CEP15: variants seen among roughly 807,000 people sequenced by gnomAD.
CEP15 encodes centrosomal protein 15.
At chr3:62,335,386 C>T in the CEP15 span, 3 of 151,680 alleles carry the variant, frequency 2.0e-5, no homozygotes, top group Non-Finnish European at 2.9e-5. Flanking sequence ...TGACTTTATT[C>T]CTGGCCCCTG....
the CEP15 span, among the ~76,000 whole-genome samples, chr3:62,323,109 A>AT: frequency 9.5e-4 from 145 of 152,318 alleles, no homozygotes; most frequent in Non-Finnish European, 1.7e-3. Flanking sequence ...GTTTTCAAGC[A>AT]TTTTCCTTTT....
At chr3:62,330,015 G>A in the CEP15 span, among the ~76,000 whole-genome samples, 132 of 152,186 alleles carry the variant, frequency 8.7e-4, no homozygotes, top group African/African-American at 3.1e-3. Flanking sequence ...TTCCGGTATG[G>A]GATAGACATG....
the CEP15 span, chr3:62,331,473 A>C: frequency 8.3e-7 from 1 of 1,210,332 alleles, no homozygotes; most frequent in Non-Finnish European, 1.2e-6. Context: ...AAGTTAAACA[A>C]TGGTTATGTG....
chr3:62,333,130 ATGTG>A, the CEP15 span: 559 of 747,146 alleles, frequency 7.5e-4, 1 homozygote, highest in East Asian at 1.3e-3. This position sits in a 1 kb window ranked among gnomAD's most constrained non-coding sequence, Gnocchi z 4.0. Context: ...TTCTACATAT[ATGTG>A]TGTGTGTGTG....
At chr3:62,324,856 A>G in the CEP15 span, among the ~76,000 whole-genome samples, 2 of 152,216 alleles carry the variant, frequency 1.3e-5, no homozygotes, top group African/African-American at 2.4e-5. Context: ...AGATCTTCTG[A>G]CCAATATAAT....
At chr3:62,325,841 T>C in the CEP15 span, among the ~76,000 whole-genome samples, 2 of 151,940 alleles carry the variant, frequency 1.3e-5, no homozygotes, top group African/African-American at 2.4e-5. Flanking sequence ...CTGGCCAACA[T>C]GGTGAAACCC....
chr3:62,333,669 G>T, the CEP15 span: 2 of 218,264 alleles, frequency 9.2e-6, no homozygotes, highest in Non-Finnish European at 1.8e-5. The surrounding 1 kb of genome is among the most constrained non-coding windows in gnomAD (Gnocchi z 4.0). Flanking sequence ...TTGTGAGTGT[G>T]TTGCTTTAAA....
the CEP15 span, chr3:62,334,235 T>TAAAAAAAAAAAAAA: frequency 7.3e-6 from 1 of 137,132 alleles, no homozygotes; most frequent in Admixed American, 7.4e-5. This position sits in a 1 kb window ranked among gnomAD's most constrained non-coding sequence, Gnocchi z 4.9. Context: ...CTTGAGCACT[T>TAAAAAAAAAAAAAA]AAAAAAAAAA....
At chr3:62,326,593 C>T in the CEP15 span, among the ~76,000 whole-genome samples, 4 of 152,200 alleles carry the variant, frequency 2.6e-5, no homozygotes, top group Admixed American at 2.0e-4. Flanking sequence ...CTCAATTCTG[C>T]CATAGAGTAA....
chr3:62,320,623 T>C, the CEP15 span: 2 of 831,646 alleles, frequency 2.4e-6, no homozygotes, highest in Non-Finnish European at 3.8e-6. Flanking sequence ...TGCAAGCATG[T>C]CATTTTAATT....
At chr3:62,331,456 G>A in the CEP15 span, 1 of 1,346,576 alleles carries the variant, frequency 7.4e-7, no homozygotes, top group Non-Finnish European at 1.1e-6. Flanking sequence ...TATCAGTAGT[G>A]CACTACAAGT....
At chr3:62,321,905 T>C in the CEP15 span, 4 of 1,544,492 alleles carry the variant, frequency 2.6e-6, no homozygotes, top group South Asian at 1.2e-5. The surrounding 1 kb of genome is among the most constrained non-coding windows in gnomAD (Gnocchi z 4.1). Flanking sequence ...TTTTTAACTC[T>C]ATATAATCTT....
chr3:62,321,853 A>C, the CEP15 span: 1 of 1,170,410 alleles, frequency 8.5e-7, no homozygotes, highest in Non-Finnish European at 1.2e-6. The surrounding 1 kb of genome is among the most constrained non-coding windows in gnomAD (Gnocchi z 4.1). Flanking sequence ...TTAAGAAATG[A>C]ATTTTTTATA....
At chr3:62,333,169 CTT>C in the CEP15 span, 11 of 1,335,814 alleles carry the variant, frequency 8.2e-6, no homozygotes, top group Admixed American at 1.8e-5. The surrounding 1 kb of genome is among the most constrained non-coding windows in gnomAD (Gnocchi z 4.0). Flanking sequence ...CATACACACT[CTT>C]AAGTGAATAA....
the CEP15 span, chr3:62,322,394 G>C: frequency 0.012 from 2,319 of 196,820 alleles, 65 homozygotes; most frequent in African/African-American, 0.052. This position sits in a 1 kb window ranked among gnomAD's most constrained non-coding sequence, Gnocchi z 5.5. Context: ...AGGAAATCCT[G>C]AAAGGCCATA....
At chr3:62,326,007 A>G in the CEP15 span, among the ~76,000 whole-genome samples, 1 of 141,242 alleles carries the variant, frequency 7.1e-6, no homozygotes. Flanking sequence ...CTGGGGACAG[A>G]GTGAGACTTC....
chr3:62,331,210 G>C, the CEP15 span: 1 of 808,800 alleles, frequency 1.2e-6, no homozygotes, highest in Non-Finnish European at 2.0e-6. Context: ...CATCCATTCA[G>C]ATTATATCCA....
chr3:62,326,296 A>C, the CEP15 span, among the ~76,000 whole-genome samples: 4 of 152,286 alleles, frequency 2.6e-5, no homozygotes, highest in Admixed American at 2.6e-4. Flanking sequence ...GGTTCCTTGA[A>C]GAATATGTTT....
chr3:62,319,101 C>A, the CEP15 span: 87 of 152,432 alleles, frequency 5.7e-4, no homozygotes, highest in African/African-American at 1.9e-3. Flanking sequence ...TGCCTGACGG[C>A]CGCGCAGGGC....
Sources: gnomAD v4.1 joint callset for allele counts (sites outside exome capture counted in the v4.1 genomes callset) on GRCh38, gnomAD v4.1.1 for gene constraint, Gnocchi (gnomAD v3.1) non-coding constraint, MANE v1.5 for transcripts, NCBI Gene and HGNC (gene_info 2026-07-23, HGNC 2026-07-21) for gene names.